The following LSAMP variants were observed in gnomAD, a reference collection of about 807,000 sequenced individuals.
LSAMP encodes the protein limbic system associated membrane protein.
Under a neutral mutation model 38.6 loss-of-function variants are expected in LSAMP, and 7 were observed. The observed-to-expected ratio is 0.18, with a 90% CI of 0.10 to 0.34. The LOEUF (loss-of-function observed/expected upper bound fraction) is 0.34, where lower values mean the gene tolerates loss of function less well. Among genes scored for constraint, LSAMP ranks in the 10% least tolerant of loss-of-function variants. The pLI, the probability that LSAMP is intolerant of heterozygous loss-of-function variation, is 1.00. For synonymous variants in LSAMP, 154 were observed against 166.8 expected, an observed-to-expected ratio of 0.92 and a Z score of 0.59; for missense variants, 313 against 420.0, an observed-to-expected ratio of 0.75 and a Z score of 2.23.
At chr3:115,903,390 T>C (rs1936927935) in intron 3 of LSAMP, among the ~76,000 whole-genome samples, 1 of 152,130 alleles carries the variant, frequency 6.6e-6, no homozygotes, top group African/African-American at 2.4e-5. Flanking sequence ...CAATCGGTAC[T>C]AGACTTTATA....
chr3:116,215,219 A>G (rs1004613137), intron 1 of LSAMP, among the ~76,000 whole-genome samples: 39 of 152,222 alleles, frequency 2.6e-4, no homozygotes, highest in Non-Finnish European at 5.9e-5. Flanking sequence ...GCTGTGGTCA[A>G]CTGTGAGATG....
intron 3 of LSAMP, among the ~76,000 whole-genome samples, chr3:115,913,350 G>A (rs559941804): frequency 9.8e-5 from 15 of 152,312 alleles, no homozygotes; most frequent in Middle Eastern, 3.4e-3. Flanking sequence ...TTCTCATGCA[G>A]TTGGTTTTAT....
chr3:116,119,516 G>A (rs1193356776), intron 1 of LSAMP, among the ~76,000 whole-genome samples: 1 of 151,754 alleles, frequency 6.6e-6, no homozygotes, highest in South Asian at 2.1e-4. Context: ...CAAATACTGG[G>A]GTTAGTACAT....
At chr3:116,164,739 T>TATA (rs1553709478) in intron 1 of LSAMP, among the ~76,000 whole-genome samples, 30 of 71,878 alleles carry the variant, frequency 4.2e-4, no homozygotes, top group African/African-American at 1.7e-3. Flanking sequence ...AATATATATA[T>TATA]ATCCATATAT....
At chr3:116,046,047 T>C (rs1173223517) in intron 2 of LSAMP, among the ~76,000 whole-genome samples, 3 of 152,232 alleles carry the variant, frequency 2.0e-5, no homozygotes, top group African/African-American at 7.2e-5. Context: ...TAGAAATCCC[T>C]TTCTATGAGC....
At position 115,939,530 on chromosome 3, in the gene LSAMP, C is replaced by CTCTTTCTTTCTTTCTTTCTTTCTT. The variant is rs377683505; in HGVS notation, c.514+79961_514+79984dup. On this transcript the variant is annotated intron_variant, in intron 3 of 6. Coordinates refer to ENST00000490035, the MANE Select transcript of LSAMP (RefSeq NM_002338.5). ...GGAGCTTTTTCTTTATGTTCTCTTT[C>CTCTTTCTTTCTTTCTTTCTTTCTT]TCTTTCTTTCTTTCTTTCTTTCTTT... Among the ~76,000 whole-genome samples the CTCTTTCTTTCTTTCTTTCTTTCTT allele has an allele frequency of 3.1e-3, 309 of 99,714 alleles. 12 individuals carry two copies. Among genetic ancestry groups the CTCTTTCTTTCTTTCTTTCTTTCTT allele is most frequent in the Non-Finnish European group, 3.9e-3 (193 of 48,864 alleles). The allele number at this position is 99,714 out of a possible 152,430, so 65.4% of individuals were successfully genotyped here.
At chr3:116,318,644 A>G (rs2047666044) in intron 1 of LSAMP, among the ~76,000 whole-genome samples, 1 of 152,250 alleles carries the variant, frequency 6.6e-6, no homozygotes, top group African/African-American at 2.4e-5. Context: ...TAACGCAGCT[A>G]GCATTCAATG....
At chr3:116,342,027 A>G (rs948692584) in intron 1 of LSAMP, among the ~76,000 whole-genome samples, 3 of 152,028 alleles carry the variant, frequency 2.0e-5, no homozygotes, top group Non-Finnish European at 2.9e-5. Context: ...TAACAGTAAT[A>G]GTATTAAAAT....
At chr3:116,435,308 C>A (rs2049334850) in intron 1 of LSAMP, among the ~76,000 whole-genome samples, 1 of 152,124 alleles carries the variant, frequency 6.6e-6, no homozygotes, top group African/African-American at 2.4e-5. Context: ...GACTCAAGTT[C>A]AAGTCAGCTC....
chr3:116,346,884 A>G (rs1302121068), intron 1 of LSAMP, among the ~76,000 whole-genome samples: 1 of 152,198 alleles, frequency 6.6e-6, no homozygotes, highest in Non-Finnish European at 1.5e-5. Context: ...CTTTGAATCC[A>G]TATGTTTATT....
chr3:116,312,654 C>A (rs947116376), intron 1 of LSAMP, among the ~76,000 whole-genome samples: 1 of 152,178 alleles, frequency 6.6e-6, no homozygotes, highest in African/African-American at 2.4e-5. Flanking sequence ...TACCTACATT[C>A]CCCTCAAGAA....
At chr3:115,878,560 C>T (rs1425340836) in intron 3 of LSAMP, among the ~76,000 whole-genome samples, 1 of 137,878 alleles carries the variant, frequency 7.3e-6, no homozygotes, top group African/African-American at 2.7e-5. Flanking sequence ...TTCCTGGCTT[C>T]AAGCGATTCT....
At chr3:116,155,776 A>G (rs149112431) in intron 1 of LSAMP, among the ~76,000 whole-genome samples, 90 of 152,160 alleles carry the variant, frequency 5.9e-4, no homozygotes, top group African/African-American at 2.0e-3. Flanking sequence ...TAACCAAAGT[A>G]CTTTCTCCAC....
chr3:116,162,577 GGT>G (rs377150720), intron 1 of LSAMP, among the ~76,000 whole-genome samples: 2 of 151,402 alleles, frequency 1.3e-5, no homozygotes, highest in Admixed American at 6.6e-5. Flanking sequence ...TGTCTATACA[GGT>G]GTGTGTGTGT....
intron 1 of LSAMP, among the ~76,000 whole-genome samples, chr3:116,423,481 A>C (rs1436761387): frequency 6.6e-6 from 1 of 152,202 alleles, no homozygotes; most frequent in Non-Finnish European, 1.5e-5. Flanking sequence ...GTTTGCACAC[A>C]TTCCTCTGGG....
At chr3:116,263,720 C>T (rs2046859994) in intron 1 of LSAMP, among the ~76,000 whole-genome samples, 1 of 152,008 alleles carries the variant, frequency 6.6e-6, no homozygotes, top group South Asian at 2.1e-4. Flanking sequence ...AATGACCTTG[C>T]ATTTGTAAGA....
In LSAMP at chr3:116,183,482, TG is replaced by T. The variant is rs898098667; in HGVS notation, c.156-96927del. Among the ~76,000 whole-genome samples the T allele has an allele frequency of 5.9e-5, 9 of 151,912 alleles. No homozygotes were observed. The East Asian group carries it at 9.6e-4, about 16-fold the overall frequency. On this transcript the variant is annotated intron_variant, in intron 1 of 6. Coordinates refer to ENST00000490035, the MANE Select transcript of LSAMP (RefSeq NM_002338.5). ...AGTGTTATGGGTTAGTTAGAGCATA[TG>T]GGCCCTTGAAGTAGATAGAAATGGG...
At chr3:116,087,211 T>C (rs1447305042) in intron 1 of LSAMP, among the ~76,000 whole-genome samples, 2 of 152,246 alleles carry the variant, frequency 1.3e-5, no homozygotes, top group African/African-American at 4.8e-5. Flanking sequence ...GTTAGGTTGC[T>C]ACCAGCATTT....
chr3:116,194,501 T>C (rs1046393924), intron 1 of LSAMP, among the ~76,000 whole-genome samples: 2 of 152,116 alleles, frequency 1.3e-5, no homozygotes, highest in Non-Finnish European at 2.9e-5. Context: ...TTCACGCCAT[T>C]CTCCTGCCTC....
Sources: allele counts gnomAD v4.1 joint callset (sites outside exome capture counted in the v4.1 genomes callset), GRCh38; gene constraint gnomAD v4.1.1; transcripts MANE v1.5; gene names NCBI Gene and HGNC (gene_info 2026-07-23, HGNC 2026-07-21).